MRPS23: variants seen among roughly 807,000 people sequenced by gnomAD.
MRPS23 encodes mitochondrial ribosomal protein S23, also known as small ribosomal subunit protein mS23.
A neutral mutation model predicts 19.8 loss-of-function variants in MRPS23; 14 were observed. The observed-to-expected ratio is 0.71, with a 90% CI of 0.47 to 1.11. The LOEUF is 1.11. Ranked by LOEUF, MRPS23 falls within the 50% of genes least tolerant of loss-of-function variation. The probability of loss-of-function intolerance (pLI) is 0.00; values close to 1 mark genes in which losing one functional copy is unlikely to be tolerated. For missense variants in MRPS23, 242 were observed against 236.7 expected (o/e 1.02, Z -0.15); for synonymous variants, 113 against 89.7 (o/e 1.26, Z -1.47).
In MRPS23 at chr17:57,849,231, A is replaced by G; in HGVS notation, c.215+9T>C. ...TTGCCTCCTGTCCACTACAGGGCTGAGCACTCACGCTCTAATCCGATCCTC... is the reference window on the plus strand; with the variant it reads ...TTGCCTCCTGTCCACTACAGGGCTGGGCACTCACGCTCTAATCCGATCCTC... On this transcript the variant is annotated intron_variant, in intron 2 of 4. Coordinates refer to ENST00000313608, the MANE Select transcript of MRPS23 (RefSeq NM_016070.4). 1 of 1,613,958 alleles carries G rather than the reference A, an allele frequency of 6.2e-7. No individual in the cohort carries two copies.
intron 2 of MRPS23, among the ~76,000 whole-genome samples, chr17:57,847,675 AT>A (rs2073785384): frequency 1.3e-5 from 2 of 149,672 alleles, no homozygotes; most frequent in African/African-American, 4.9e-5. Context: ...AAAAAAAAAA[AT>A]ACTTAGATCA....
chr17:57,840,668 T>G (rs1004066599), intron 4 of MRPS23: 1 of 329,932 alleles, frequency 3.0e-6, no homozygotes, highest in African/African-American at 2.1e-5. Flanking sequence ...ATAAATAAAA[T>G]AAAAAATATA....
chr17:57,849,996 C>A lies in MRPS23; in HGVS notation c.15G>T (p.Arg5=). The A allele has an allele frequency of 6.3e-7, 1 of 1,591,118 alleles. No homozygotes were observed. Among genetic ancestry groups the A allele is most frequent in the South Asian group, 1.1e-5 (1 of 88,766 alleles). Residue 5 remains arginine (R), a synonymous_variant, in exon 1 of 5, where the codon CGG becomes CGT. Transcript: ENST00000313608. The part of the protein sequence containing the change: MAGS[R]LETVGSIFSR... ...AGAAGATGCTCCCTACGGTTTCCAG[C>A]CGGCTGCCTGCCATGATCTGCGCCT...
At position 57,834,823 on chromosome 17, in the gene MRPS23, C is replaced by T. The variant is rs1389929688; in HGVS notation, c.*4960G>A. On this transcript the variant is annotated 3_prime_UTR_variant, in exon 5 of 5. Transcript: ENST00000313608. ...ATCATTTATTTACAGAGAAAGGTAT[C>T]ACTTTAACAAAATCAGGAGTCCTTC... 6.6e-6 allele frequency: 1 copy of T among 152,204 alleles called. No homozygotes were observed. Among genetic ancestry groups the T allele is most frequent in the East Asian group, 1.9e-4 (1 of 5,200 alleles). 9.4% of individuals were successfully genotyped at this position (152,204 alleles called of 1,614,324 possible).
chr17:57,840,163 G>A (rs1041884772), intron 4 of MRPS23, among the ~76,000 whole-genome samples: 1 of 152,132 alleles, frequency 6.6e-6, no homozygotes. Flanking sequence ...TGAGGCGGGC[G>A]GATCACGAGG....
chr17:57,846,611 T>G (rs924730623), intron 2 of MRPS23, among the ~76,000 whole-genome samples: 1 of 152,152 alleles, frequency 6.6e-6, no homozygotes, highest in Non-Finnish European at 1.5e-5. Context: ...ATCTATAACC[T>G]TACCCCCAAC....
At chr17:57,849,159 G>T in intron 2 of MRPS23, 81 bp downstream of exon 2, 1 of 1,537,636 alleles carries the variant, frequency 6.5e-7, no homozygotes, top group Non-Finnish European at 8.8e-7. Context: ...TCAATTTCAT[G>T]TTTGAATTCC....
At position 57,841,216 on chromosome 17, in the gene MRPS23, A is replaced by G; in HGVS notation, c.260T>C (p.Leu87Pro). Residue 87 changes from leucine to proline, a missense_variant, in exon 3 of 5, where the codon CTA becomes CCA. By Grantham distance (98) the Leu-to-Pro change is moderately conservative. Transcript: ENST00000313608. ...GGTAGACTTGAAGTTTGGATTGAAT[A>G]GATCAAAAGCTCTTTGACCAGACCC... ...VYGSGQRAFD[L>P]FNPNFKSTCQ... 2.5e-6 allele frequency: 4 copies of G among 1,614,190 alleles called. No homozygotes were observed. The highest frequency in any genetic ancestry group is 3.4e-6 in the Non-Finnish European group (4 of 1,180,038).
intron 4 of MRPS23, among the ~76,000 whole-genome samples, chr17:57,840,386 CA>C (rs35485204): frequency 0.6 from 76,997 of 128,430 alleles, 20,538 homozygotes; most frequent in East Asian, 0.8. Flanking sequence ...GACTCCGTCT[CA>C]AAAAAAAAAA....
chr17:57,849,734 G>A, intron 1 of MRPS23: 2 of 613,536 alleles, frequency 3.3e-6, no homozygotes, highest in South Asian at 2.2e-5. Context: ...ACCTCCACTC[G>A]GGGAGAGGCA....
chr17:57,846,165 G>A (rs181458164), intron 2 of MRPS23, among the ~76,000 whole-genome samples: 1,532 of 148,042 alleles, frequency 0.01, 15 homozygotes, highest in South Asian at 0.024. Context: ...GAGGTAGGGG[G>A]CAGTCCCTGC....
chr17:57,841,387 G>T, intron 2 of MRPS23, 127 bp from the exon 3 acceptor site: 1 of 928,168 alleles, frequency 1.1e-6, no homozygotes, highest in Non-Finnish European at 1.6e-6. Flanking sequence ...CATAGCCTAA[G>T]CTGAACAGTT....
In MRPS23 at chr17:57,837,104, A is replaced by G. The variant is rs575341022; in HGVS notation, c.*2679T>C. ...GTTCTGAGTTTCCAAAGTAAGCTTC[A>G]TATCTTTCACTATGTTTTGATCACT... On this transcript the variant is annotated 3_prime_UTR_variant, in exon 5 of 5. Coordinates refer to ENST00000313608, the MANE Select transcript of MRPS23 (RefSeq NM_016070.4). 4 of 152,218 alleles carry G rather than the reference A, an allele frequency of 2.6e-5. No homozygotes were observed. Among genetic ancestry groups the G allele is most frequent in the East Asian group, 1.9e-4 (1 of 5,194 alleles). 9.4% of individuals were successfully genotyped at this position (152,218 alleles called of 1,614,324 possible). A position where few individuals can be genotyped will look rare whatever the true frequency, so the allele number is the denominator to read the frequency against.
intron 2 of MRPS23, among the ~76,000 whole-genome samples, chr17:57,845,011 C>T (rs1304188388): frequency 6.6e-6 from 1 of 152,092 alleles, no homozygotes; most frequent in Non-Finnish European, 1.5e-5. Context: ...GATCCTCCCA[C>T]CTCAGCCTCC....
chr17:57,846,037 GA>G (rs1257350726), intron 2 of MRPS23, among the ~76,000 whole-genome samples: 10 of 149,820 alleles, frequency 6.7e-5, no homozygotes, highest in South Asian at 2.1e-4. Flanking sequence ...CACAAAAGGG[GA>G]AACATGAAAA....
At chr17:57,841,128 T>A in intron 3 of MRPS23, 55 bp downstream of exon 3, 1 of 1,609,462 alleles carries the variant, frequency 6.2e-7, no homozygotes. Flanking sequence ...ATCAAATGGA[T>A]AACAAAATCC....
chr17:57,843,848 T>C (rs1320487579), intron 2 of MRPS23, among the ~76,000 whole-genome samples: 1 of 152,232 alleles, frequency 6.6e-6, no homozygotes, highest in African/African-American at 2.4e-5. Flanking sequence ...GCCATATACA[T>C]AGAAAATTAG....
chr17:57,841,286 A>G (rs1221351539), intron 2 of MRPS23, 26 bp from the exon 3 acceptor site: 3 of 1,598,102 alleles, frequency 1.9e-6, no homozygotes, highest in Admixed American at 1.7e-5. Context: ...AACATAATAT[A>G]AATCTCCGAT....
In MRPS23 at chr17:57,849,393, C is replaced by G; in HGVS notation, c.62G>C (p.Arg21Pro). ...GGGCTTCTCCTTCAGCACCCCGGCC[C>G]GAACCAGGTCCCGAGTCCTTAGGGA... ...SIFSRTRDLV[R>P]AGVLKEKPLW... Residue 21 changes from arginine to proline, a missense_variant, in exon 2 of 5, where the codon CGG becomes CCG. By Grantham distance (103) the Arg-to-Pro change is moderately radical. Coordinates refer to ENST00000313608, the MANE Select transcript of MRPS23 (RefSeq NM_016070.4). The G allele has an allele frequency of 6.2e-7, 1 of 1,613,972 alleles. No individual in the cohort carries two copies. The highest frequency in any genetic ancestry group is 8.5e-7 in the Non-Finnish European group (1 of 1,180,000).
Sources: gnomAD v4.1 joint callset for allele counts (sites outside exome capture counted in the v4.1 genomes callset) on GRCh38, gnomAD v4.1.1 for gene constraint, MANE v1.5 for transcripts, NCBI Gene and HGNC (gene_info 2026-07-23, HGNC 2026-07-21) for gene names.